ITPR1: variants seen among roughly 807,000 people sequenced by gnomAD.
The protein encoded by ITPR1 is inositol 1,4,5-trisphosphate-gated calcium channel ITPR1.
In ITPR1, 96 loss-of-function variants were observed where a neutral mutation model predicts 318.4. The ratio of observed to expected loss-of-function variants is 0.30; its 90% CI spans 0.26 to 0.36. The LOEUF (loss-of-function observed/expected upper bound fraction) is 0.36. Among genes scored for constraint, ITPR1 ranks in the 10% least tolerant of loss-of-function variants. The pLI is 1.00. For missense variants in ITPR1, 2,440 were observed against 3,460.2 expected, an observed-to-expected ratio of 0.71 and a Z score of 7.40; for synonymous variants, 1,312 against 1,289.9, an observed-to-expected ratio of 1.02 and a Z score of -0.37.
At chr3:4,839,094 A>G (rs1433671224) in intron 61 of ITPR1, among the ~76,000 whole-genome samples, 1 of 152,220 alleles carries the variant, frequency 6.6e-6, no homozygotes, top group Non-Finnish European at 1.5e-5. Flanking sequence ...TTGGGAGGAC[A>G]AGGAGGGTGG....
chr3:4,797,853 A>T (rs180688347), intron 53 of ITPR1, among the ~76,000 whole-genome samples: 6 of 152,342 alleles, frequency 3.9e-5, no homozygotes, highest in African/African-American at 1.4e-4. Context: ...TAAATATTTC[A>T]GTGTATAACT....
intron 4 of ITPR1, among the ~76,000 whole-genome samples, chr3:4,554,611 C>T (rs1171872069): frequency 6.6e-6 from 1 of 152,026 alleles, no homozygotes; most frequent in Admixed American, 6.5e-5. Context: ...AGTGTGGCTA[C>T]AGGTTACATC....
intron 4 of ITPR1, among the ~76,000 whole-genome samples, chr3:4,534,294 T>C (rs1163224572): frequency 1.3e-5 from 2 of 152,188 alleles, no homozygotes; most frequent in African/African-American, 4.8e-5. Context: ...GTGTTTATTA[T>C]TCCCCTCTAT....
intron 46 of ITPR1, among the ~76,000 whole-genome samples, chr3:4,771,792 T>C (rs1222456721): frequency 3.9e-5 from 6 of 152,108 alleles, no homozygotes; most frequent in Non-Finnish European, 7.4e-5. Flanking sequence ...ATCATAAAGA[T>C]TATCCAGTTC....
At chr3:4,538,668 T>G (rs2084106870) in intron 4 of ITPR1, among the ~76,000 whole-genome samples, 1 of 152,166 alleles carries the variant, frequency 6.6e-6, no homozygotes, top group Non-Finnish European at 1.5e-5. Context: ...AGTGATAGAC[T>G]GGATAAAGAA....
intron 61 of ITPR1, among the ~76,000 whole-genome samples, chr3:4,837,911 T>C (rs2051046993): frequency 6.6e-6 from 1 of 152,152 alleles, no homozygotes; most frequent in African/African-American, 2.4e-5. Context: ...ATCAACTCCA[T>C]AGACAAGATT....
chr3:4,667,690 T>C, intron 18 of ITPR1, 141 bp downstream of exon 18: 2 of 692,224 alleles, frequency 2.9e-6, no homozygotes, highest in Non-Finnish European at 4.5e-6. Flanking sequence ...TTTTGATGAG[T>C]AGTGGCAAGA....
At chr3:4,788,821 GATTTCTATCTGTTCA>G (rs983651265) in intron 52 of ITPR1, among the ~76,000 whole-genome samples, 6 of 152,188 alleles carry the variant, frequency 3.9e-5, no homozygotes, top group African/African-American at 1.4e-4. Flanking sequence ...GATCGTGCTT[GATTTCTATCTGTTCA>G]TCAGGAGCCA....
At chr3:4,500,519 A>G (rs1292886890) in intron 2 of ITPR1, among the ~76,000 whole-genome samples, 3 of 151,952 alleles carry the variant, frequency 2.0e-5, no homozygotes, top group Non-Finnish European at 2.9e-5. Flanking sequence ...GTATTTAGAG[A>G]TCTCCACCTA....
chr3:4,555,726 A>AT (rs1159706271), intron 4 of ITPR1, among the ~76,000 whole-genome samples: 2 of 152,124 alleles, frequency 1.3e-5, no homozygotes, highest in Admixed American at 1.3e-4. Context: ...CAAACTATTT[A>AT]TTTTTTACCA....
At chr3:4,663,284 C>T (rs1358935388) in intron 16 of ITPR1, 78 bp downstream of exon 16, 16 of 1,379,352 alleles carry the variant, frequency 1.2e-5, no homozygotes, top group South Asian at 1.5e-5. Context: ...TGCCTGTAGT[C>T]CCAGCACTTT....
intron 60 of ITPR1, among the ~76,000 whole-genome samples, chr3:4,827,246 C>G (rs1474924964): frequency 6.6e-6 from 1 of 152,186 alleles, no homozygotes; most frequent in Non-Finnish European, 1.5e-5. Context: ...TCCAGACGTC[C>G]TAACTACATT....
intron 16 of ITPR1, among the ~76,000 whole-genome samples, chr3:4,663,728 G>A (rs911386714): frequency 1.3e-5 from 2 of 152,190 alleles, no homozygotes; most frequent in South Asian, 2.1e-4. Flanking sequence ...TTTGATAAAT[G>A]TATGATGCCA....
intron 54 of ITPR1, 106 bp from the exon 55 acceptor site, chr3:4,805,997 G>A (rs551758308): frequency 7.1e-6 from 7 of 984,438 alleles, no homozygotes; most frequent in Non-Finnish European, 8.8e-6. Context: ...GGAAGCGTTT[G>A]TTTGGGCACG....
At chr3:4,757,135 G>A (rs1010309997) in intron 44 of ITPR1, among the ~76,000 whole-genome samples, 2 of 152,166 alleles carry the variant, frequency 1.3e-5, no homozygotes, top group South Asian at 2.1e-4. Flanking sequence ...TAGGTTTCCC[G>A]AGTTCCAGTT....
At chr3:4,828,497 C>A (rs1204383154) in intron 60 of ITPR1, among the ~76,000 whole-genome samples, 1 of 152,160 alleles carries the variant, frequency 6.6e-6, no homozygotes, top group East Asian at 1.9e-4. Flanking sequence ...GCCGGCCCCA[C>A]CTTTTTCTCC....
In ITPR1 at chr3:4,768,689, C is replaced by T. The variant is rs1242566228; in HGVS notation, c.5904C>T (p.Ser1968=). 11 of 1,613,868 alleles carry T rather than the reference C, an allele frequency of 6.8e-6. No individual in the cohort carries two copies. Among genetic ancestry groups the T allele is most frequent in the Admixed American group, 3.3e-5 (2 of 60,024 alleles). ...ADKAKDDLEM[S]AVITIMQPIL... Reference sequence around the variant, plus strand: ...AGGCCAAGGACGACCTGGAGATGAGCGCGGTCATCACCATCATGCAGCCCA... The same window carrying T: ...AGGCCAAGGACGACCTGGAGATGAGTGCGGTCATCACCATCATGCAGCCCA... The change falls in exon 46 of 62, where the codon AGC becomes AGT. Residue 1968 remains serine, a synonymous_variant. Transcript: ENST00000649015.
intron 4 of ITPR1, among the ~76,000 whole-genome samples, chr3:4,625,550 G>A (rs992162968): frequency 3.3e-5 from 5 of 151,602 alleles, no homozygotes; most frequent in South Asian, 2.1e-4. Context: ...CTTCAAGTTC[G>A]TTAATTTTTT....
chr3:4,829,972 T>G (rs902849865), intron 60 of ITPR1, among the ~76,000 whole-genome samples: 2 of 106,914 alleles, frequency 1.9e-5, no homozygotes, highest in African/African-American at 6.1e-5. Flanking sequence ...TTTTTTTTTT[T>G]TTTTTTTGTG....
Sources: gnomAD v4.1 joint callset for allele counts (sites outside exome capture counted in the v4.1 genomes callset) on GRCh38, gnomAD v4.1.1 for gene constraint, MANE v1.5 for transcripts, NCBI Gene and HGNC (gene_info 2026-07-23, HGNC 2026-07-21) for gene names.